The following ADAM9 variants were observed in gnomAD, a reference collection of about 807,000 sequenced individuals.
ADAM9 encodes ADAM metallopeptidase domain 9.
ADAM9 carries 54 observed loss-of-function variants against 108.1 expected under a neutral mutation model. The ratio of observed to expected loss-of-function variants is 0.50; its 90% confidence interval spans 0.40 to 0.63. The LOEUF (loss-of-function observed/expected upper bound fraction) is 0.63. Among genes scored for constraint, ADAM9 ranks in the 20% least tolerant of loss-of-function variants. ADAM9 has a pLI of 0.00. For synonymous variants in ADAM9, 316 were observed against 336.0 expected (o/e 0.94, Z 0.65); for missense variants, 830 against 997.7 (o/e 0.83, Z 2.26).
At chr8:39,096,348 T>TG (rs1257358748) in intron 20 of ADAM9, among the ~76,000 whole-genome samples, 6 of 152,054 alleles carry the variant, frequency 3.9e-5, no homozygotes, top group East Asian at 1.9e-4. Context: ...ACATATATTG[T>TG]GATATCTTTG....
rs1490817638 is a variant in ADAM9 at position 39,041,955 on chromosome 8, A to G, written c.1140A>G (p.Arg380=). The change falls in exon 12 of 22, where the codon AGA becomes AGG. Residue 380 remains arginine, a synonymous_variant. Coordinates refer to ENST00000487273, the MANE Select transcript of ADAM9 (RefSeq NM_003816.3). ...CIMNSGASGS[R]NFSSCSAEDF... Reference sequence around the variant, plus strand: ...TTAATGTTTATTATAGGGGTTCCAGAAACTTTAGCAGTTGCAGTGCAGAGG... The same window carrying G: ...TTAATGTTTATTATAGGGGTTCCAGGAACTTTAGCAGTTGCAGTGCAGAGG... The G allele has an allele frequency of 1.2e-6, 2 of 1,613,968 alleles. No individual in the cohort carries two copies. The highest frequency in any genetic ancestry group is 4.5e-5 in the East Asian group (2 of 44,868).
At chr8:39,045,024 GTGTGCATACATACATATGTATGTGTA>G (rs1837593717) in intron 12 of ADAM9, among the ~76,000 whole-genome samples, 1 of 128,478 alleles carries the variant, frequency 7.8e-6, no homozygotes, top group Admixed American at 7.4e-5. Flanking sequence ...GTGTATGTGT[GTGTGCATACATACATATGTATGTGTA>G]TGTGTGTGTG....
chr8:39,080,977 G>T (rs1388426543), intron 16 of ADAM9, among the ~76,000 whole-genome samples: 1 of 146,368 alleles, frequency 6.8e-6, no homozygotes, highest in Non-Finnish European at 1.5e-5. Flanking sequence ...TTGAGGCAGG[G>T]TCTCGCTCTT....
At chr8:39,063,677 G>A (rs1457712523) in intron 14 of ADAM9, among the ~76,000 whole-genome samples, 2 of 152,158 alleles carry the variant, frequency 1.3e-5, no homozygotes, top group Admixed American at 6.5e-5. Flanking sequence ...AGCTGAGATT[G>A]TGCCACTGCA....
At chr8:39,098,014 A>G (rs999050998) in intron 20 of ADAM9, among the ~76,000 whole-genome samples, 2 of 152,048 alleles carry the variant, frequency 1.3e-5, no homozygotes, top group Admixed American at 1.3e-4. Flanking sequence ...TGATATATCT[A>G]CTTCAACTGG....
chr8:39,001,672 T>A (rs1157489110), intron 1 of ADAM9, among the ~76,000 whole-genome samples: 1 of 143,180 alleles, frequency 7.0e-6, no homozygotes, highest in African/African-American at 2.5e-5. Context: ...TTGAAGGTAG[T>A]TTTTTTTTTT....
In ADAM9 at chr8:39,103,936, G is replaced by A. The variant is rs890175434; in HGVS notation, c.*236G>A. The stretch of plus-strand genomic sequence containing the variant: ...CATTTCCGTTTCCATCATTGAATAA[G>A]TCTTATTCAGTCATCGGTGAGGTTA... On this transcript the variant is annotated 3_prime_UTR_variant, in exon 22 of 22. Transcript: ENST00000487273. The A allele has an allele frequency of 3.0e-6, 2 of 662,718 alleles. No homozygotes were observed. The highest frequency in any genetic ancestry group is 5.5e-6 in the Non-Finnish European group (2 of 361,896). The allele number at this position is 662,718 out of a possible 1,614,324, so 41.1% of individuals were successfully genotyped here.
At chr8:39,025,722 A>G in intron 9 of ADAM9, 81 bp from the exon 10 acceptor site, 4 of 1,340,992 alleles carry the variant, frequency 3.0e-6, no homozygotes, top group Non-Finnish European at 4.3e-6. Flanking sequence ...CTCCCAATCC[A>G]GTTGAGATTA....
intron 15 of ADAM9, among the ~76,000 whole-genome samples, chr8:39,073,192 T>C (rs1199919303): frequency 6.6e-6 from 1 of 152,226 alleles, no homozygotes; most frequent in Admixed American, 6.5e-5. Flanking sequence ...TTAATAGTCT[T>C]ATTCAAATAT....
chr8:39,043,387 C>A (rs969203907), intron 12 of ADAM9, among the ~76,000 whole-genome samples: 2 of 152,138 alleles, frequency 1.3e-5, no homozygotes, highest in African/African-American at 4.8e-5. Flanking sequence ...TTGCATTCTT[C>A]CCAACAGTGC....
chr8:39,070,727 C>T, intron 14 of ADAM9, among the ~76,000 whole-genome samples: 1 of 149,866 alleles, frequency 6.7e-6, no homozygotes, highest in East Asian at 1.9e-4. Context: ...CACTGCACTC[C>T]AGCCTGGGTG....
intron 20 of ADAM9, among the ~76,000 whole-genome samples, chr8:39,099,561 A>G (rs1839617790): frequency 6.6e-6 from 1 of 152,194 alleles, no homozygotes; most frequent in African/African-American, 2.4e-5. Context: ...GGTTGTTTCC[A>G]GTCTTATACC....
intron 11 of ADAM9, among the ~76,000 whole-genome samples, chr8:39,038,947 A>G (rs530866892): frequency 1.3e-5 from 2 of 148,452 alleles, no homozygotes; most frequent in African/African-American, 5.3e-5. Flanking sequence ...TCCTACATCT[A>G]GATACTTTTT....
intron 11 of ADAM9, among the ~76,000 whole-genome samples, chr8:39,031,483 G>T (rs1418740523): frequency 6.6e-6 from 1 of 152,146 alleles, no homozygotes; most frequent in African/African-American, 2.4e-5. Flanking sequence ...CTCGTGCCAT[G>T]GTTTTCAGCT....
chr8:39,014,619 G>A lies in ADAM9; in HGVS notation c.333+576G>A, dbSNP rs1337015147. 6.1e-5 allele frequency: 43 copies of A among 700,480 alleles called. No individual in the cohort carries two copies. In the East Asian group the frequency reaches 1.1e-3, roughly 18 times the overall value. 43.4% of individuals were successfully genotyped at this position (700,480 alleles called of 1,614,324 possible). ...TATTACTAGAGCATAAACATTTCTA[G>A]TTTTGTTTGAGTGTTTTACAGTCCT... On this transcript the variant is annotated intron_variant, in intron 4 of 21. Coordinates refer to ENST00000487273, the MANE Select transcript of ADAM9 (RefSeq NM_003816.3).
chr8:39,019,383 C>G (rs575099245), intron 7 of ADAM9, among the ~76,000 whole-genome samples: 3 of 152,220 alleles, frequency 2.0e-5, no homozygotes, highest in Admixed American at 1.3e-4. Flanking sequence ...TATTAATTTC[C>G]GTGTATAGGA....
At position 39,017,275 on chromosome 8, in the gene ADAM9, C is replaced by G. The variant is rs1836564949; in HGVS notation, c.467C>G (p.Ser156Cys). Reference sequence around the variant, plus strand: ...GGGATTGAACCCCTGCAGAACAGCTCTCATTTTGAGCACATCATTTATCGA... The same window carrying G: ...GGGATTGAACCCCTGCAGAACAGCTGTCATTTTGAGCACATCATTTATCGA... ...SYGIEPLQNS[S>C]HFEHIIYRMD... Residue 156 changes from serine to cysteine, a missense_variant, in exon 6 of 22, where the codon TCT becomes TGT. By Grantham distance (112) the Ser-to-Cys change is moderately radical. Transcript: ENST00000487273. 6.2e-7 allele frequency: 1 copy of G among 1,614,022 alleles called. No homozygotes were observed.
rs1200771413 is a variant in ADAM9, at chr8:39,081,063, G to C, written c.1882-1578G>C. Among the ~76,000 whole-genome samples the C allele has an allele frequency of 2.0e-5, 3 of 147,868 alleles. No individual in the cohort carries two copies. The East Asian group carries it at 6.0e-4, about 30-fold the overall frequency. ...CTGCCTCCTGGGTTCAAACGATTCT[G>C]CTGCCTCCCAGGTAGCTGGAATTAC... On this transcript the variant is annotated intron_variant, in intron 16 of 21. Coordinates refer to ENST00000487273, the MANE Select transcript of ADAM9 (RefSeq NM_003816.3).
chr8:39,036,118 A>G (rs1041802085), intron 11 of ADAM9, among the ~76,000 whole-genome samples: 1 of 152,086 alleles, frequency 6.6e-6, no homozygotes, highest in Non-Finnish European at 1.5e-5. Context: ...ATTTAATAAA[A>G]TGGATAATCT....
Sources: gnomAD v4.1 joint callset for allele counts (sites outside exome capture counted in the v4.1 genomes callset) on GRCh38, gnomAD v4.1.1 for gene constraint, MANE v1.5 for transcripts, NCBI Gene and HGNC (gene_info 2026-07-23, HGNC 2026-07-21) for gene names.